Variants in RASGRP3 observed in about 807,000 individuals in gnomAD.
RASGRP3 encodes RAS guanyl releasing protein 3, also known as ras guanyl-releasing protein 3.
RASGRP3 carries 54 observed loss-of-function variants against 82.7 expected under a neutral mutation model. The ratio of observed to expected loss-of-function variants is 0.65; its 90% CI spans 0.52 to 0.82. The LOEUF (loss-of-function observed/expected upper bound fraction) is 0.82, where lower values mean the gene tolerates loss of function less well. Ranked by LOEUF, RASGRP3 falls within the 40% of genes least tolerant of loss-of-function variation. The pLI is 0.00. For synonymous variants in RASGRP3, 309 were observed against 300.5 expected (o/e 1.03, Z -0.29); for missense variants, 861 against 828.9 (o/e 1.04, Z -0.48).
At chr2:33,508,457 G>A (rs1431545947) in intron 1 of RASGRP3, among the ~76,000 whole-genome samples, 3 of 152,146 alleles carry the variant, frequency 2.0e-5, no homozygotes, top group South Asian at 2.1e-4. Flanking sequence ...CAGGTGGAGG[G>A]ATTGACCTTG....
exon 2 of RASGRP3, chr2:33,447,902 A>G (rs1312175973): frequency 2.6e-5 from 4 of 152,198 alleles, no homozygotes; most frequent in Non-Finnish European, 5.9e-5. Flanking sequence ...CACCCCTCTG[A>G]TGACCCATTT....
At chr2:33,457,630 A>C (rs1340018735) in intron 2 of RASGRP3, among the ~76,000 whole-genome samples, 1 of 151,998 alleles carries the variant, frequency 6.6e-6, no homozygotes, top group Non-Finnish European at 1.5e-5. Context: ...CCTGATGCGG[A>C]ATGCATTATT....
At chr2:33,488,575 C>T (rs1308832167) in intron 1 of RASGRP3, among the ~76,000 whole-genome samples, 2 of 152,150 alleles carry the variant, frequency 1.3e-5, no homozygotes, top group African/African-American at 4.8e-5. Context: ...CATATTTATC[C>T]TCTGACTTCC....
In RASGRP3 at chr2:33,525,890, G is replaced by A. The variant is rs1001942900; in HGVS notation, c.808-1247G>A. On this transcript the variant is annotated intron_variant, in intron 9 of 17. Transcript: ENST00000403687. Reference sequence around the variant, plus strand: ...GGAAGTCCAGAGACAGAGCAGGCACGGTCTGATCAGACCTCTGACTCAGGT... The same window carrying A: ...GGAAGTCCAGAGACAGAGCAGGCACAGTCTGATCAGACCTCTGACTCAGGT... Among the ~76,000 whole-genome samples the A allele has an allele frequency of 2.6e-5, 4 of 151,934 alleles. No individual in the cohort carries two copies. The East Asian group carries it at 5.8e-4, about 22-fold the overall frequency.
At chr2:33,543,434 A>G in intron 12 of RASGRP3, 78 bp from the exon 13 acceptor site, 1 of 791,884 alleles carries the variant, frequency 1.3e-6, no homozygotes, top group Non-Finnish European at 2.1e-6. Flanking sequence ...ATCATATGCT[A>G]GTTATCGTTG....
intron 11 of RASGRP3, among the ~76,000 whole-genome samples, chr2:33,538,734 C>A (rs996119875): frequency 2.0e-5 from 3 of 151,936 alleles, no homozygotes; most frequent in Non-Finnish European, 2.9e-5. Flanking sequence ...TTGTTCAAGG[C>A]CCCAGTTAAT....
At chr2:33,451,560 T>C (rs1362604760) in intron 2 of RASGRP3, among the ~76,000 whole-genome samples, 1 of 152,242 alleles carries the variant, frequency 6.6e-6, no homozygotes, top group East Asian at 1.9e-4. Context: ...GTTTAAGTTT[T>C]TAATCTATTT....
At chr2:33,491,402 G>T (rs1300439648) in intron 1 of RASGRP3, among the ~76,000 whole-genome samples, 1 of 151,724 alleles carries the variant, frequency 6.6e-6, no homozygotes, top group Non-Finnish European at 1.5e-5. Context: ...ACTGCTTACT[G>T]GTTGATGGAT....
chr2:33,488,869 T>A (rs948962631), intron 1 of RASGRP3, among the ~76,000 whole-genome samples: 1 of 152,182 alleles, frequency 6.6e-6, no homozygotes, highest in Non-Finnish European at 1.5e-5. Flanking sequence ...ATTTGGAAAC[T>A]GAAAAACTCA....
chr2:33,497,111 AATAAT>A (rs1240797464), intron 1 of RASGRP3, among the ~76,000 whole-genome samples: 3 of 152,180 alleles, frequency 2.0e-5, no homozygotes, highest in African/African-American at 7.2e-5. Flanking sequence ...TTTCTGTTTT[AATAAT>A]ATAATAAAAT....
chr2:33,525,838 C>A (rs1672505875), intron 9 of RASGRP3, among the ~76,000 whole-genome samples: 1 of 152,014 alleles, frequency 6.6e-6, no homozygotes, highest in African/African-American at 2.4e-5. Context: ...GATCATACCA[C>A]TGCACTCCAG....
At position 33,563,023 on chromosome 2, in the gene RASGRP3, T is replaced by C. The variant is rs1676859411; in HGVS notation, c.*286T>C. The C allele has an allele frequency of 4.7e-6, 2 of 425,670 alleles. No individual in the cohort carries two copies. Among genetic ancestry groups the C allele is most frequent in the Admixed American group, 8.5e-5 (2 of 23,604 alleles). 26.4% of individuals were successfully genotyped at this position (425,670 alleles called of 1,614,324 possible). On this transcript the variant is annotated 3_prime_UTR_variant, in exon 18 of 18. Transcript: ENST00000403687. ...TTCTCATGTATCTTTCTCTAGACCA[T>C]TTATATACGGGTGAAATGAAAGCTT...
chr2:33,448,609 A>G (rs896805066), intron 2 of RASGRP3, among the ~76,000 whole-genome samples: 9 of 152,204 alleles, frequency 5.9e-5, no homozygotes, highest in African/African-American at 2.2e-4. Flanking sequence ...AATATCTACA[A>G]TATGCAGATT....
chr2:33,534,898 T>C (rs899293576), intron 11 of RASGRP3, among the ~76,000 whole-genome samples: 1 of 152,056 alleles, frequency 6.6e-6, no homozygotes, highest in African/African-American at 2.4e-5. Context: ...AATTATGTCT[T>C]CATACCAGAG....
intron 9 of RASGRP3, among the ~76,000 whole-genome samples, chr2:33,525,930 T>C (rs569878904): frequency 3.7e-4 from 56 of 152,286 alleles, no homozygotes; most frequent in African/African-American, 1.3e-3. Context: ...CGCCCGCCTC[T>C]GAATATCGGA....
chr2:33,498,792 G>A (rs181194982), intron 1 of RASGRP3, among the ~76,000 whole-genome samples: 4 of 151,814 alleles, frequency 2.6e-5, no homozygotes, highest in Non-Finnish European at 5.9e-5. Flanking sequence ...CTTTCGTAAT[G>A]CCCCTGATCA....
rs969299096 is a variant in RASGRP3 at position 33,479,758 on chromosome 2, C to T, written c.-261+3051C>T. On this transcript the variant is annotated intron_variant, in intron 1 of 17. Coordinates refer to ENST00000403687, the MANE Select transcript of RASGRP3 (RefSeq NM_001139488.2). ...CCTGTGGATTTTCTGGGTCATCAGACTTGCAGAGCCCTTAAGAAACCTGCC... is the reference window on the plus strand; with the variant it reads ...CCTGTGGATTTTCTGGGTCATCAGATTTGCAGAGCCCTTAAGAAACCTGCC... 3.3e-5 allele frequency among the ~76,000 whole-genome samples: 5 copies of T among 152,152 alleles called. No homozygotes were observed. The East Asian group carries it at 7.7e-4, about 23-fold the overall frequency.
intron 1 of RASGRP3, chr2:33,482,472 C>T (rs915303227): frequency 6.6e-6 from 1 of 152,216 alleles, no homozygotes; most frequent in African/African-American, 2.4e-5. Flanking sequence ...GCAGTCTGCT[C>T]TTCAGTGTGC....
chr2:33,474,244 TG>T (rs1168565118), upstream of RASGRP3, among the ~76,000 whole-genome samples: 3 of 152,132 alleles, frequency 2.0e-5, no homozygotes, highest in African/African-American at 7.2e-5. Flanking sequence ...TGGAGCCTGG[TG>T]GGAAGTGATT....
Sources: gnomAD v4.1 joint callset for allele counts (sites outside exome capture counted in the v4.1 genomes callset) on GRCh38, gnomAD v4.1.1 for gene constraint, MANE v1.5 for transcripts, NCBI Gene and HGNC (gene_info 2026-07-23, HGNC 2026-07-21) for gene names.